Variants in PLCG2 observed in about 807,000 individuals in gnomAD.
PLCG2 encodes phospholipase C gamma 2.
In PLCG2, 69 loss-of-function variants were observed where a neutral mutation model predicts 175.6. The ratio of observed to expected loss-of-function variants is 0.39; its 90% CI spans 0.32 to 0.48. The LOEUF is 0.48. PLCG2 is among the 20% of genes least tolerant of loss of function. PLCG2 has a pLI of 0.91. For synonymous variants in PLCG2, 827 were observed against 624.0 expected, an observed-to-expected ratio of 1.33 and a Z score of -4.85; for missense variants, 1,798 against 1,650.9, an observed-to-expected ratio of 1.09 and a Z score of -1.54.
intron 2 of PLCG2, among the ~76,000 whole-genome samples, chr16:81,795,656 A>G (rs1013938039): frequency 6.6e-6 from 1 of 151,674 alleles, no homozygotes; most frequent in African/African-American, 2.4e-5. Flanking sequence ...GGAGGTTTCT[A>G]TGGGCCATAC....
intron 2 of PLCG2, among the ~76,000 whole-genome samples, chr16:81,840,363 A>G (rs1005968416): frequency 7.9e-5 from 12 of 152,204 alleles, no homozygotes; most frequent in African/African-American, 2.7e-4. Context: ...TCCATGGGCC[A>G]GATTGGCCTG....
At chr16:81,920,934 T>A (rs1055872997) in intron 20 of PLCG2, among the ~76,000 whole-genome samples, 1 of 152,086 alleles carries the variant, frequency 6.6e-6, no homozygotes, top group Non-Finnish European at 1.5e-5. Context: ...CATCTTAGGA[T>A]TTGTGCTTTT....
chr16:81,785,673 C>T (rs1337443360), intron 1 of PLCG2: 5 of 243,240 alleles, frequency 2.1e-5, no homozygotes, highest in African/African-American at 4.6e-5. Flanking sequence ...AGGGGACTCA[C>T]TGCCAGGTCA....
At chr16:81,902,942 C>G (rs561050650) in intron 14 of PLCG2, among the ~76,000 whole-genome samples, 1 of 152,160 alleles carries the variant, frequency 6.6e-6, no homozygotes, top group Non-Finnish European at 1.5e-5. Flanking sequence ...ATCACAAGAA[C>G]AGCACGTGAA....
intron 30 of PLCG2, among the ~76,000 whole-genome samples, chr16:81,941,424 C>G (rs374791192): frequency 1.3e-4 from 20 of 152,324 alleles, no homozygotes; most frequent in African/African-American, 4.1e-4. Context: ...CATCTTTAGG[C>G]AGCTCCCCAG....
At chr16:81,928,473 C>G in intron 23 of PLCG2, 85 bp from the exon 24 acceptor site, 2 of 857,142 alleles carry the variant, frequency 2.3e-6, no homozygotes, top group Non-Finnish European at 4.1e-6. Context: ...GGCAGTATCT[C>G]TGCTAAACGG....
intron 2 of PLCG2, among the ~76,000 whole-genome samples, chr16:81,759,938 A>G (rs1185149956): frequency 6.6e-6 from 1 of 152,174 alleles, no homozygotes; most frequent in African/African-American, 2.4e-5. Context: ...CATCCTGGCT[A>G]ACACGGTGAA....
chr16:81,756,907 A>G (rs1329023917), intron 2 of PLCG2, among the ~76,000 whole-genome samples: 1 of 152,102 alleles, frequency 6.6e-6, no homozygotes, highest in Non-Finnish European at 1.5e-5. Context: ...CCTGGAACAC[A>G]CACACCGCGC....
chr16:81,839,724 G>A (rs189310206), intron 2 of PLCG2, among the ~76,000 whole-genome samples: 2 of 152,148 alleles, frequency 1.3e-5, no homozygotes, highest in South Asian at 2.1e-4. Flanking sequence ...CAGCAGGAGG[G>A]TGAAAAACAC....
chr16:81,843,407 C>G (rs1006174402), intron 2 of PLCG2, among the ~76,000 whole-genome samples: 1 of 152,176 alleles, frequency 6.6e-6, no homozygotes, highest in African/African-American at 2.4e-5. Context: ...TGAAAACACA[C>G]TGGAGAGGAA....
intron 2 of PLCG2, among the ~76,000 whole-genome samples, chr16:81,838,906 T>G (rs1905674908): frequency 6.6e-6 from 1 of 151,946 alleles, no homozygotes; most frequent in African/African-American, 2.4e-5. Flanking sequence ...CGGGTCCCGG[T>G]GACCCAGTCC....
At chr16:81,890,196 C>T (rs528980101) in intron 10 of PLCG2, among the ~76,000 whole-genome samples, 3 of 152,162 alleles carry the variant, frequency 2.0e-5, no homozygotes, top group Non-Finnish European at 4.4e-5. Flanking sequence ...AATCTTGTAA[C>T]CTCCAGAAAA....
upstream of PLCG2, among the ~76,000 whole-genome samples, chr16:81,777,784 G>C (rs911533325): frequency 2.0e-5 from 3 of 152,010 alleles, no homozygotes; most frequent in African/African-American, 7.2e-5. Flanking sequence ...GGGAGGCCAA[G>C]GTGGGTGGAT....
intron 1 of PLCG2, among the ~76,000 whole-genome samples, chr16:81,744,579 TG>T (rs1390195260): frequency 7.1e-6 from 1 of 141,214 alleles, no homozygotes; most frequent in Non-Finnish European, 1.5e-5. Flanking sequence ...GTGAAGCTGG[TG>T]GGGATGATAA....
chr16:81,909,538 A>G (rs957660793), intron 17 of PLCG2, among the ~76,000 whole-genome samples: 4 of 152,190 alleles, frequency 2.6e-5, no homozygotes, highest in African/African-American at 9.6e-5. Flanking sequence ...TATCTCAGCC[A>G]TTTAAGTAGC....
chr16:81,864,069 G>A (rs1427044241), intron 5 of PLCG2, among the ~76,000 whole-genome samples: 1 of 152,170 alleles, frequency 6.6e-6, no homozygotes, highest in Non-Finnish European at 1.5e-5. Context: ...GTGAAGCTGG[G>A]GTTGAAAATT....
At chr16:81,952,888 T>C (rs1911422284) in intron 31 of PLCG2, among the ~76,000 whole-genome samples, 1 of 152,134 alleles carries the variant, frequency 6.6e-6, no homozygotes, top group Admixed American at 6.5e-5. Flanking sequence ...ATTTATCAAT[T>C]AGAAAGACAA....
Position 81,859,290 on chromosome 16 carries a change from C to T in PLCG2, c.479+127C>T, listed in dbSNP as rs41309272. The T allele has an allele frequency of 0.19, 121,264 of 645,458 alleles. 12,560 individuals are homozygous for T. The highest frequency in any genetic ancestry group is 0.21 in the Non-Finnish European group (75,585 of 352,124). 40.0% of individuals were successfully genotyped at this position (645,458 alleles called of 1,614,324 possible). A position where few individuals can be genotyped will look rare whatever the true frequency, so the allele number is the denominator to read the frequency against. The stretch of plus-strand genomic sequence containing the variant: ...TCCTCACTGCGTCCATTGTGATCTG[C>T]GGATGCCATGTTGGGTCCTGGGGTT... On this transcript the variant is annotated intron_variant, in intron 5 of 32. Transcript: ENST00000564138.
At chr16:81,868,215 G>C (rs1426754896) in intron 5 of PLCG2, among the ~76,000 whole-genome samples, 2 of 152,186 alleles carry the variant, frequency 1.3e-5, no homozygotes, top group Admixed American at 1.3e-4. Flanking sequence ...GGTAGAATCT[G>C]GTGAACAATT....
Sources: allele counts gnomAD v4.1 joint callset (sites outside exome capture counted in the v4.1 genomes callset), GRCh38; gene constraint gnomAD v4.1.1; transcripts MANE v1.5; gene names NCBI Gene and HGNC (gene_info 2026-07-23, HGNC 2026-07-21).